The following CASK variants were observed in gnomAD, a reference collection of about 807,000 sequenced individuals.
The protein encoded by CASK is peripheral plasma membrane protein CASK.
Under a neutral mutation model 82.9 loss-of-function variants are expected in CASK, and 4 were observed. The observed-to-expected ratio is 0.05, with a 90% CI of 0.02 to 0.11. CASK has a LOEUF of 0.11. Among genes scored for constraint, CASK ranks in the 10% least tolerant of loss-of-function variants. The pLI is 1.00. For missense variants in CASK, 358 were observed against 720.9 expected, an observed-to-expected ratio of 0.50 and a Z score of 5.76; for synonymous variants, 259 against 253.5, an observed-to-expected ratio of 1.02 and a Z score of -0.20.
At chrX:41,790,899 T>C (rs971385789) in intron 2 of CASK, among the ~76,000 whole-genome samples, 3 of 112,072 alleles carry the variant, frequency 2.7e-5, no homozygotes, top group Non-Finnish European at 5.6e-5. Context: ...CACGCTGATA[T>C]AGCAAACTAA....
rs1602200149 is a variant in CASK, at chrX:41,518,561, A to C, written c.*1859T>G. On this transcript the variant is annotated 3_prime_UTR_variant, in exon 27 of 27. Coordinates refer to ENST00000378163, the MANE Select transcript of CASK (RefSeq NM_001367721.1). ...ACTGGCAAAGAACAACATCAGAAAAAAAAAAATCGCCACCATTTAATAATA... is the reference window on the plus strand; with the variant it reads ...ACTGGCAAAGAACAACATCAGAAAACAAAAAATCGCCACCATTTAATAATA... 9.1e-6 allele frequency: 1 copy of C among 110,289 alleles called. No homozygotes were observed. Among genetic ancestry groups the C allele is most frequent in the East Asian group, 2.8e-4 (1 of 3,519 alleles). The allele number at this position is 110,289 out of a possible 1,213,427, so 9.1% of individuals were successfully genotyped here.
At chrX:41,906,941 T>G (rs1042396097) in intron 1 of CASK, among the ~76,000 whole-genome samples, 1 of 112,956 alleles carries the variant, frequency 8.9e-6, no homozygotes, top group Non-Finnish European at 1.9e-5. Flanking sequence ...AGTAGATAGG[T>G]TGCCTTTGGC....
intron 2 of CASK, among the ~76,000 whole-genome samples, chrX:41,795,686 T>TA (rs1376065958): frequency 4.6e-5 from 5 of 107,930 alleles, no homozygotes; most frequent in Non-Finnish European, 9.6e-5. Context: ...AATAAATAAA[T>TA]AAAAATAAAA....
chrX:41,633,752 T>A (rs963508791), intron 9 of CASK, among the ~76,000 whole-genome samples: 1 of 109,921 alleles, frequency 9.1e-6, no homozygotes, highest in Admixed American at 9.8e-5. Context: ...TAATTTTCTT[T>A]CTTTCTTTTT....
rs1248392515 is a variant in CASK at position 41,517,335 on chromosome X, T to A, written c.*3085A>T. 8.2e-6 allele frequency: 1 copy of A among 121,492 alleles called. No homozygotes were observed. Among genetic ancestry groups the A allele is most frequent in the African/African-American group, 3.2e-5 (1 of 31,161 alleles). The allele number at this position is 121,492 out of a possible 1,213,427, so 10.0% of individuals were successfully genotyped here. ...CTCTCTGAGCAAAGATTTTAAATCATCTCACCTGACAAGAGATACATTTAA... is the reference window on the plus strand; with the variant it reads ...CTCTCTGAGCAAAGATTTTAAATCAACTCACCTGACAAGAGATACATTTAA... On this transcript the variant is annotated 3_prime_UTR_variant, in exon 27 of 27. Coordinates refer to ENST00000378163, the MANE Select transcript of CASK (RefSeq NM_001367721.1).
chrX:41,534,847 G>A, intron 23 of CASK, 46 bp downstream of exon 23: 2 of 1,150,837 alleles, frequency 1.7e-6, no homozygotes, highest in African/African-American at 3.5e-5. Context: ...TTCACAAAAT[G>A]TTTTGAAAGT....
intron 24 of CASK, among the ~76,000 whole-genome samples, chrX:41,533,589 T>C: frequency 8.9e-6 from 1 of 112,695 alleles, no homozygotes; most frequent in South Asian, 3.6e-4. Context: ...TTTTCTCCTG[T>C]TGCTCTTAAA....
rs2072015704 is a variant in CASK at position 41,884,581 on chromosome X, G to A, written c.60-31354C>T. On this transcript the variant is annotated intron_variant, in intron 1 of 26. Coordinates refer to ENST00000378163, the MANE Select transcript of CASK (RefSeq NM_001367721.1). Reference sequence around the variant, plus strand: ...GGCCATTGTTGCTGGGTTCCAATGTGCTTAAGTAAAAATACATTTCCTAGC... The same window carrying A: ...GGCCATTGTTGCTGGGTTCCAATGTACTTAAGTAAAAATACATTTCCTAGC... Among the ~76,000 whole-genome samples, 3 of 112,098 alleles carry A rather than the reference G, an allele frequency of 2.7e-5. No homozygotes were observed. In the Admixed American group the frequency reaches 2.8e-4, roughly 11 times the overall value.
At chrX:41,692,430 A>T (rs2067587215) in intron 5 of CASK, among the ~76,000 whole-genome samples, 1 of 112,188 alleles carries the variant, frequency 8.9e-6, no homozygotes, top group Admixed American at 9.4e-5. Flanking sequence ...GTAGTCTCAA[A>T]AATCTCCAGT....
intron 1 of CASK, among the ~76,000 whole-genome samples, chrX:41,906,289 T>C (rs2072469313): frequency 8.9e-6 from 1 of 112,090 alleles, no homozygotes; most frequent in African/African-American, 3.2e-5. Context: ...CCTGACCTAA[T>C]GAAGCTCAAA....
At chrX:41,766,208 A>G (rs1025922023) in intron 3 of CASK, among the ~76,000 whole-genome samples, 1 of 112,035 alleles carries the variant, frequency 8.9e-6, no homozygotes, top group Non-Finnish European at 1.9e-5. Flanking sequence ...TTGATTGTGC[A>G]TTCCTGTGGG....
At chrX:41,595,002 T>G (rs1230710423) in intron 12 of CASK, among the ~76,000 whole-genome samples, 1 of 111,889 alleles carries the variant, frequency 8.9e-6, no homozygotes, top group Non-Finnish European at 1.9e-5. Context: ...TAATAGCCCC[T>G]AGCGTGAGGC....
chrX:41,778,049 C>T (rs1349969326), intron 3 of CASK, among the ~76,000 whole-genome samples: 1 of 111,130 alleles, frequency 9.0e-6, no homozygotes, highest in Admixed American at 9.6e-5. Flanking sequence ...ATATTGTATC[C>T]AAAAAATATT....
intron 1 of CASK, among the ~76,000 whole-genome samples, chrX:41,883,947 T>C (rs922479873): frequency 4.5e-5 from 5 of 112,073 alleles, no homozygotes; most frequent in African/African-American, 6.5e-5. Flanking sequence ...TGCCCTTCCT[T>C]TGGCAATTAA....
At chrX:41,591,850 A>G (rs2147237622) in intron 12 of CASK, among the ~76,000 whole-genome samples, 1 of 111,961 alleles carries the variant, frequency 8.9e-6, no homozygotes, top group South Asian at 3.7e-4. Flanking sequence ...CACAATTAAA[A>G]AAATACATAA....
chrX:41,900,550 T>C (rs953315487), intron 1 of CASK, among the ~76,000 whole-genome samples: 4 of 108,848 alleles, frequency 3.7e-5, no homozygotes, highest in Non-Finnish European at 7.6e-5. Context: ...TCTGTGGAAT[T>C]TTTCAGTTCA....
intron 1 of CASK, among the ~76,000 whole-genome samples, chrX:41,915,966 C>T (rs1174461140): frequency 9.2e-6 from 1 of 108,980 alleles, no homozygotes; most frequent in African/African-American, 3.4e-5. Flanking sequence ...CCAGCCTGGG[C>T]GACAGAGTGA....
intron 2 of CASK, among the ~76,000 whole-genome samples, chrX:41,848,456 T>C (rs1161182608): frequency 9.0e-6 from 1 of 111,694 alleles, no homozygotes; most frequent in East Asian, 2.8e-4. Context: ...CATCTCTCTC[T>C]TGCTTCCTCT....
chrX:41,764,730 TG>T (rs1451931171), intron 3 of CASK, among the ~76,000 whole-genome samples: 1 of 111,923 alleles, frequency 8.9e-6, no homozygotes, highest in East Asian at 2.8e-4. Context: ...ATATCCATAC[TG>T]AACAATGGCA....
Sources: allele counts gnomAD v4.1 joint callset (sites outside exome capture counted in the v4.1 genomes callset), GRCh38; gene constraint gnomAD v4.1.1; transcripts MANE v1.5; gene names NCBI Gene and HGNC (gene_info 2026-07-23, HGNC 2026-07-21).